The following PKP4 variants were observed in gnomAD, a reference collection of about 807,000 sequenced individuals.
PKP4 encodes plakophilin-4.
In PKP4, 90 loss-of-function variants were observed where a neutral mutation model predicts 145.1. The observed-to-expected ratio is 0.62, with a 90% CI of 0.52 to 0.74. PKP4 has a LOEUF of 0.74. PKP4 is among the 30% of genes least tolerant of loss of function. PKP4 has a pLI of 0.00. For synonymous variants in PKP4, 563 were observed against 577.2 expected (o/e 0.98, Z 0.35); for missense variants, 1,340 against 1,482.7 (o/e 0.90, Z 1.58).
chr2:158,463,349 C>G (rs1031771937), intron 1 of PKP4, among the ~76,000 whole-genome samples: 20 of 151,650 alleles, frequency 1.3e-4, no homozygotes, highest in African/African-American at 4.8e-4. Context: ...ACACCATTTG[C>G]CCAAATGCAG....
At chr2:158,470,249 C>T (rs1211986557) in intron 1 of PKP4, among the ~76,000 whole-genome samples, 1 of 152,208 alleles carries the variant, frequency 6.6e-6, no homozygotes, top group East Asian at 1.9e-4. Context: ...CCCTTCTCTT[C>T]TAACCTTCAG....
At chr2:158,505,132 T>A (rs1040176000) in intron 1 of PKP4, among the ~76,000 whole-genome samples, 2 of 152,220 alleles carry the variant, frequency 1.3e-5, no homozygotes, top group Non-Finnish European at 2.9e-5. Context: ...TTGTAAGAGT[T>A]GATTTAATAA....
chr2:158,534,531 C>T (rs929190334), intron 2 of PKP4, among the ~76,000 whole-genome samples: 6 of 152,120 alleles, frequency 3.9e-5, no homozygotes, highest in Non-Finnish European at 5.9e-5. Flanking sequence ...AAGGACTCTT[C>T]GATAGCACTT....
chr2:158,519,386 C>T (rs536295946), intron 1 of PKP4, among the ~76,000 whole-genome samples: 1 of 152,150 alleles, frequency 6.6e-6, no homozygotes, highest in Non-Finnish European at 1.5e-5. Flanking sequence ...TTTGGTCCCC[C>T]CTGGGTGTCA....
chr2:158,638,019 C>T (rs2053960539), intron 9 of PKP4, among the ~76,000 whole-genome samples: 1 of 152,204 alleles, frequency 6.6e-6, no homozygotes. Context: ...AATCTTGACC[C>T]TCAGTGTCCC....
intron 1 of PKP4, among the ~76,000 whole-genome samples, chr2:158,508,282 T>C (rs564413834): frequency 1.3e-5 from 2 of 150,196 alleles, no homozygotes; most frequent in African/African-American, 4.9e-5. Context: ...GGAGAATTGC[T>C]TGAACCTGGA....
At chr2:158,473,258 C>CA (rs1691886046) in intron 1 of PKP4, among the ~76,000 whole-genome samples, 1 of 152,158 alleles carries the variant, frequency 6.6e-6, no homozygotes, top group Non-Finnish European at 1.5e-5. Flanking sequence ...GGTGATTCCT[C>CA]AAAGAGCTGA....
intron 1 of PKP4, among the ~76,000 whole-genome samples, chr2:158,482,383 A>G (rs1693494100): frequency 6.6e-6 from 1 of 152,150 alleles, no homozygotes; most frequent in Non-Finnish European, 1.5e-5. Flanking sequence ...TCCTGGACCC[A>G]AGTGATCCTC....
Position 158,659,295 on chromosome 2 carries a change from G to A in PKP4, c.2093+981G>A, listed in dbSNP as rs1437494856. On this transcript the variant is annotated intron_variant, in intron 12 of 21. Coordinates refer to ENST00000389759, the MANE Select transcript of PKP4 (RefSeq NM_003628.6). Reference sequence around the variant, plus strand: ...TCCTAATTCAGATGCCCACATCTCAGGGTGGGTCTCATGGCCTAGCAATCA... The same window carrying A: ...TCCTAATTCAGATGCCCACATCTCAAGGTGGGTCTCATGGCCTAGCAATCA... 2.0e-5 allele frequency: 3 copies of A among 152,384 alleles called. No individual in the cohort carries two copies. In the East Asian group the frequency reaches 5.8e-4, roughly 30 times the overall value. The allele number at this position is 152,384 out of a possible 1,614,324, so 9.4% of individuals were successfully genotyped here. A position where few individuals can be genotyped will look rare whatever the true frequency, so the allele number is the denominator to read the frequency against.
chr2:158,638,484 T>C (rs2053999738), intron 9 of PKP4, among the ~76,000 whole-genome samples: 1 of 152,194 alleles, frequency 6.6e-6, no homozygotes, highest in East Asian at 1.9e-4. Context: ...CTGTGCTTTT[T>C]CTGCTGTTAT....
At position 158,634,064 on chromosome 2, in the gene PKP4, T is replaced by G. The variant is rs2053613502; in HGVS notation, c.1343-6T>G. The stretch of plus-strand genomic sequence containing the variant: ...ACTAATCTTTTTCAAAATGTTGACT[T>G]TCTAGTAGGTATTGGAAATCTACAA... On this transcript the variant is annotated splice_region_variant and splice_polypyrimidine_tract_variant and intron_variant, in intron 8 of 21. Coordinates refer to ENST00000389759, the MANE Select transcript of PKP4 (RefSeq NM_003628.6). 1.3e-6 allele frequency: 2 copies of G among 1,537,160 alleles called. No individual in the cohort carries two copies. Among genetic ancestry groups the G allele is most frequent in the Non-Finnish European group, 9.0e-7 (1 of 1,110,140 alleles).
chr2:158,594,991 G>T (rs1206695001), intron 3 of PKP4, among the ~76,000 whole-genome samples: 1 of 152,142 alleles, frequency 6.6e-6, no homozygotes, highest in Non-Finnish European at 1.5e-5. Context: ...AACTAGCTTA[G>T]TGCAATGATG....
chr2:158,519,545 G>A (rs1227488619), intron 1 of PKP4, among the ~76,000 whole-genome samples: 1 of 152,090 alleles, frequency 6.6e-6, no homozygotes, highest in East Asian at 1.9e-4. Flanking sequence ...TCAAGTCTGG[G>A]ATATACCATA....
chr2:158,550,242 A>T (rs118150898), intron 2 of PKP4, among the ~76,000 whole-genome samples: 1 of 120,438 alleles, frequency 8.3e-6, no homozygotes. Flanking sequence ...CTATAGCAGT[A>T]TTTTGCCAGA....
In PKP4 at chr2:158,674,611, A is replaced by G. The variant is rs114848008; in HGVS notation, c.3127+611A>G. On this transcript the variant is annotated intron_variant, in intron 19 of 21. Coordinates refer to ENST00000389759, the MANE Select transcript of PKP4 (RefSeq NM_003628.6). ...ATTCCTTTTGATTTTTAAGTTGGGA[A>G]TCCTGGCAACCATACTACCTACTTC... 3.3e-3 allele frequency among the ~76,000 whole-genome samples: 510 copies of G among 152,294 alleles called. 3 individuals are homozygous for G. The highest frequency in any genetic ancestry group is 0.012 in the African/African-American group (490 of 41,546).
chr2:158,498,199 C>G (rs1424196974), intron 1 of PKP4, among the ~76,000 whole-genome samples: 2 of 151,550 alleles, frequency 1.3e-5, no homozygotes, highest in Non-Finnish European at 2.9e-5. Flanking sequence ...ACTATGTTGC[C>G]CAGGCTTTGA....
At chr2:158,543,077 CT>C (rs2044665919) in intron 2 of PKP4, among the ~76,000 whole-genome samples, 1 of 152,094 alleles carries the variant, frequency 6.6e-6, no homozygotes, top group Non-Finnish European at 1.5e-5. Flanking sequence ...ATCTCAATTT[CT>C]TTGTGCCATG....
intron 1 of PKP4, among the ~76,000 whole-genome samples, chr2:158,489,628 T>C (rs1461675090): frequency 1.3e-5 from 2 of 152,222 alleles, no homozygotes; most frequent in Non-Finnish European, 2.9e-5. Context: ...CACGCTGGGC[T>C]AAAGATTTAT....
intron 4 of PKP4, among the ~76,000 whole-genome samples, chr2:158,603,406 C>T (rs1043271597): frequency 3.9e-5 from 6 of 152,066 alleles, no homozygotes; most frequent in African/African-American, 1.2e-4. Flanking sequence ...AAAGTTATTA[C>T]GTAATCAAGA....
Sources: gnomAD v4.1 joint callset for allele counts (sites outside exome capture counted in the v4.1 genomes callset) on GRCh38, gnomAD v4.1.1 for gene constraint, MANE v1.5 for transcripts, NCBI Gene and HGNC (gene_info 2026-07-23, HGNC 2026-07-21) for gene names.